Variants in MEGF6 observed in about 807,000 individuals in gnomAD.
MEGF6 encodes multiple EGF like domains 6.
In MEGF6, 184 loss-of-function variants were observed where a neutral mutation model predicts 207.1. That is an observed-to-expected ratio of 0.89 (90% CI 0.79 to 1.00). MEGF6 has a LOEUF of 1.00. Among genes scored for constraint, MEGF6 ranks in the 50% least tolerant of loss-of-function variants. The pLI is 0.00. For synonymous variants in MEGF6, 1,038 were observed against 910.0 expected, an observed-to-expected ratio of 1.14 and a Z score of -2.53; for missense variants, 2,282 against 2,202.9, an observed-to-expected ratio of 1.04 and a Z score of -0.72.
intron 29 of MEGF6, 81 bp downstream of exon 29, chr1:3,496,574 G>T (rs1325673305): frequency 1.3e-6 from 2 of 1,533,608 alleles, no homozygotes; most frequent in African/African-American, 2.7e-5. Flanking sequence ...GGCAGTCGGG[G>T]GCCATCCTCC....
At chr1:3,598,689 C>A (rs2101863777) in intron 2 of MEGF6, among the ~76,000 whole-genome samples, 1 of 150,158 alleles carries the variant, frequency 6.7e-6, no homozygotes, top group East Asian at 2.0e-4. Flanking sequence ...CTGGTTCACG[C>A]AGGGCGGGGG....
chr1:3,525,971 T>G (rs1044197401), intron 4 of MEGF6, among the ~76,000 whole-genome samples: 1 of 152,172 alleles, frequency 6.6e-6, no homozygotes, highest in Non-Finnish European at 1.5e-5. Context: ...GTGCAGCCCC[T>G]GGGCTAACCT....
intron 2 of MEGF6, among the ~76,000 whole-genome samples, chr1:3,597,345 C>T (rs1570230596): frequency 6.6e-6 from 1 of 152,102 alleles, no homozygotes. Flanking sequence ...GTCCTCACCC[C>T]TCCACTGCCC....
chr1:3,540,448 C>T (rs1642480543), intron 4 of MEGF6, among the ~76,000 whole-genome samples: 1 of 152,226 alleles, frequency 6.6e-6, no homozygotes, highest in Non-Finnish European at 1.5e-5. Flanking sequence ...AGCTTTGCAA[C>T]CGGAAGGCCC....
chr1:3,497,732 AGCCAGCGACAGCCCTGAG>A (rs1640672526), intron 26 of MEGF6: 5 of 391,506 alleles, frequency 1.3e-5, no homozygotes, highest in South Asian at 1.0e-4. Context: ...AGGCGACGGG[AGCCAGCGACAGCCCTGAG>A]GCCAGCCGAG....
At chr1:3,591,995 C>T (rs1643987557) in intron 3 of MEGF6, among the ~76,000 whole-genome samples, 1 of 152,176 alleles carries the variant, frequency 6.6e-6, no homozygotes, top group African/African-American at 2.4e-5. Context: ...GCATCGGCAT[C>T]CGGCCCATCA....
At chr1:3,534,520 T>C (rs949686768) in intron 4 of MEGF6, among the ~76,000 whole-genome samples, 5 of 152,064 alleles carry the variant, frequency 3.3e-5, no homozygotes, top group African/African-American at 4.8e-5. Context: ...TCTGTAACAC[T>C]AGCACCTCCC....
chr1:3,604,079 G>A (rs139533536), intron 1 of MEGF6, among the ~76,000 whole-genome samples: 285 of 152,338 alleles, frequency 1.9e-3, no homozygotes, highest in African/African-American at 6.4e-3. Flanking sequence ...CCAGAGGAGG[G>A]ACCCTGGCCT....
chr1:3,526,361 C>T (rs1019878720), intron 4 of MEGF6, among the ~76,000 whole-genome samples: 5 of 151,540 alleles, frequency 3.3e-5, no homozygotes, highest in African/African-American at 7.3e-5. Context: ...CCCCAGCCAC[C>T]GCAGTCCACG....
upstream of MEGF6, among the ~76,000 whole-genome samples, chr1:3,614,991 G>A (rs559759769): frequency 2.4e-4 from 37 of 152,326 alleles, no homozygotes; most frequent in African/African-American, 8.2e-4. Context: ...AGGGCCTGCC[G>A]TGTTGATTCT....
chr1:3,493,555 G>C lies in MEGF6; in HGVS notation c.4387+216C>G. ...GGGACGTTGTGGGGGCCACACGGCA[G>C]GGCCTGGCCTAAGGCTCCAGCAGGA... On this transcript the variant is annotated intron_variant, in intron 34 of 36. Transcript: ENST00000356575. 4 of 642,376 alleles carry C rather than the reference G, an allele frequency of 6.2e-6. No homozygotes were observed. The South Asian group carries it at 8.5e-5, about 14-fold the overall frequency. 39.8% of individuals were successfully genotyped at this position (642,376 alleles called of 1,614,324 possible).
chr1:3,546,440 T>G (rs1642706268), intron 4 of MEGF6, among the ~76,000 whole-genome samples: 1 of 152,126 alleles, frequency 6.6e-6, no homozygotes, highest in African/African-American at 2.4e-5. Flanking sequence ...AGAGGCAATG[T>G]CAGGAGTGGG....
chr1:3,620,246 C>T, the MEGF6 span, among the ~76,000 whole-genome samples: 1 of 152,208 alleles, frequency 6.6e-6, no homozygotes, highest in African/African-American at 2.4e-5. Context: ...CAAAGCAGGA[C>T]ATAAAAGTTT....
intron 4 of MEGF6, among the ~76,000 whole-genome samples, chr1:3,538,471 G>A (rs987551017): frequency 2.0e-5 from 3 of 152,198 alleles, no homozygotes; most frequent in African/African-American, 4.8e-5. Flanking sequence ...CGCTGTTTCC[G>A]CGAGCCCAGC....
intron 5 of MEGF6, among the ~76,000 whole-genome samples, chr1:3,517,056 C>A (rs761339261): frequency 6.6e-6 from 1 of 152,270 alleles, no homozygotes; most frequent in Non-Finnish European, 1.5e-5. Flanking sequence ...TACCGTGGCT[C>A]CAGGGGCCTC....
intron 5 of MEGF6, among the ~76,000 whole-genome samples, chr1:3,517,381 A>C (rs980090122): frequency 6.6e-6 from 1 of 152,030 alleles, no homozygotes; most frequent in Non-Finnish European, 1.5e-5. Flanking sequence ...GGGCGGGGGG[A>C]TCAGAGGCAG....
At chr1:3,574,691 G>A (rs1182863440) in intron 4 of MEGF6, among the ~76,000 whole-genome samples, 1 of 152,152 alleles carries the variant, frequency 6.6e-6, no homozygotes, top group East Asian at 1.9e-4. Context: ...CAGCTAGGCT[G>A]GAGTCCAGTG....
At chr1:3,557,172 C>T (rs1643060505) in intron 4 of MEGF6, among the ~76,000 whole-genome samples, 1 of 152,198 alleles carries the variant, frequency 6.6e-6, no homozygotes, top group South Asian at 2.1e-4. Flanking sequence ...CCCTGGGTCC[C>T]CAGAAGGGAC....
intron 6 of MEGF6, 41 bp downstream of exon 6, chr1:3,515,361 C>A: frequency 6.3e-7 from 1 of 1,584,024 alleles, no homozygotes; most frequent in South Asian, 1.1e-5. Context: ...CTTGTCCTGC[C>A]TCCACCCCCA....
Sources: allele counts gnomAD v4.1 joint callset (sites outside exome capture counted in the v4.1 genomes callset), GRCh38; gene constraint gnomAD v4.1.1; transcripts MANE v1.5; gene names NCBI Gene and HGNC (gene_info 2026-07-23, HGNC 2026-07-21).